Variants in KLHL15 observed in about 807,000 individuals in gnomAD.
KLHL15 encodes the protein kelch-like protein 15.
Under a neutral mutation model 29.3 loss-of-function variants are expected in KLHL15, and 1 was observed. The ratio of observed to expected loss-of-function variants is 0.03; its 90% confidence interval spans 0.01 to 0.16. The LOEUF is 0.16. Among genes scored for constraint, KLHL15 ranks in the 10% least tolerant of loss-of-function variants. The pLI is 1.00. For missense variants in KLHL15, 215 were observed against 478.5 expected, an observed-to-expected ratio of 0.45 and a Z score of 5.14; for synonymous variants, 212 against 184.5, an observed-to-expected ratio of 1.15 and a Z score of -1.21.
At chrX:24,016,089 T>C (rs1602015317) in intron 2 of KLHL15, among the ~76,000 whole-genome samples, 2 of 107,640 alleles carry the variant, frequency 1.9e-5, no homozygotes, top group East Asian at 5.9e-4. Flanking sequence ...TGACTCACGC[T>C]TGTAATCTCA....
At chrX:24,010,267 C>G in intron 2 of KLHL15, among the ~76,000 whole-genome samples, 1 of 111,703 alleles carries the variant, frequency 9.0e-6, no homozygotes, top group East Asian at 2.8e-4. Flanking sequence ...CCTAACTTAA[C>G]CTCTGTCCTT....
rs1222935511 is a variant in KLHL15, at chrX:23,988,905, A to G, written c.831T>C (p.Ser277=). 1.7e-6 allele frequency: 2 copies of G among 1,212,023 alleles called. No homozygotes were observed. Among genetic ancestry groups the G allele is most frequent in the East Asian group, 3.0e-5 (1 of 33,858 alleles). The stretch of plus-strand genomic sequence containing the variant: ...GAAATACTGTAGTTTGCGGTTTTGC[A>G]GAACGGATGCGGCTTGACTTCATAT... The part of the protein sequence containing the change: ...LLDMKSSRIR[S]AKPQTTVFRG... Residue 277 remains serine (S), a synonymous_variant, in exon 4 of 4, where the codon TCT becomes TCC. Transcript: ENST00000328046.
chrX:23,988,986 G>A lies in KLHL15; in HGVS notation c.750C>T (p.Tyr250=), dbSNP rs762367525. Residue 250 remains tyrosine, a synonymous_variant, in exon 4 of 4, where the codon TAC becomes TAT. Coordinates refer to ENST00000328046, the MANE Select transcript of KLHL15 (RefSeq NM_030624.3). ...AGTAATTCAATGCTTGGTCAACTTC[G>A]TAACGGAGCTGTCGGGAGTATCTAT... ...EFYRYSRQLR[Y]EVDQALNYFQ... 26 of 1,207,196 alleles carry A rather than the reference G, an allele frequency of 2.2e-5. No homozygotes were observed. In the East Asian group the frequency reaches 5.9e-4, roughly 28 times the overall value.
intron 3 of KLHL15, among the ~76,000 whole-genome samples, chrX:23,995,119 CGCAT>C: frequency 9.0e-6 from 1 of 111,568 alleles, no homozygotes; most frequent in South Asian, 3.7e-4. Flanking sequence ...CACACACACA[CGCAT>C]ATATACACAC....
At chrX:24,019,579 A>G (rs1342078268) in intron 2 of KLHL15, among the ~76,000 whole-genome samples, 5 of 111,173 alleles carry the variant, frequency 4.5e-5, no homozygotes, top group Admixed American at 9.7e-5. Context: ...AAGAGTACAA[A>G]TAAGTACAAA....
At chrX:24,017,113 G>A (rs954023588) in intron 2 of KLHL15, among the ~76,000 whole-genome samples, 1 of 108,404 alleles carries the variant, frequency 9.2e-6, no homozygotes, top group Non-Finnish European at 1.9e-5. Context: ...TTGGGAGACT[G>A]AGGCAGGAAG....
At chrX:24,018,724 G>A (rs528399435) in intron 2 of KLHL15, among the ~76,000 whole-genome samples, 1 of 111,355 alleles carries the variant, frequency 9.0e-6, no homozygotes, top group Non-Finnish European at 1.9e-5. Context: ...TTGGTCAGCC[G>A]GGCACAGTGG....
chrX:24,001,898 C>G (rs1929329721), intron 3 of KLHL15, among the ~76,000 whole-genome samples: 1 of 107,089 alleles, frequency 9.3e-6, no homozygotes, highest in Admixed American at 1.0e-4. Context: ...CTTTGGGAGG[C>G]CAAGGCGGGT....
chrX:23,987,705 T>C lies in KLHL15; in HGVS notation c.*216A>G, dbSNP rs1379655843. 5.7e-6 allele frequency: 2 copies of C among 352,684 alleles called. No individual in the cohort carries two copies. Among genetic ancestry groups the C allele is most frequent in the Non-Finnish European group, 9.7e-6 (2 of 205,251 alleles). The allele number at this position is 352,684 out of a possible 1,213,427, so 29.1% of individuals were successfully genotyped here. A position where few individuals can be genotyped will look rare whatever the true frequency, so the allele number is the denominator to read the frequency against. Reference sequence around the variant, plus strand: ...CATTCTATTCAACTGCTTCTGGAAGTAGTTTCAAGAGCTAGCACTTAGAAT... The same window carrying C: ...CATTCTATTCAACTGCTTCTGGAAGCAGTTTCAAGAGCTAGCACTTAGAAT... On this transcript the variant is annotated 3_prime_UTR_variant, in exon 4 of 4. Coordinates refer to ENST00000328046, the MANE Select transcript of KLHL15 (RefSeq NM_030624.3).
At chrX:24,002,948 T>A (rs1292460801) in intron 3 of KLHL15, among the ~76,000 whole-genome samples, 1 of 113,025 alleles carries the variant, frequency 8.8e-6, no homozygotes, top group Non-Finnish European at 1.9e-5. Context: ...GTTTTGCTCA[T>A]GTAAACACCT....
At chrX:24,002,638 G>C (rs1929352517) in intron 3 of KLHL15, among the ~76,000 whole-genome samples, 1 of 105,881 alleles carries the variant, frequency 9.4e-6, no homozygotes, top group Admixed American at 1.0e-4. Context: ...TGGGGTAGGG[G>C]ATTGGGGGGA....
rs904581068 is a variant in KLHL15 at position 24,024,387 on chromosome X, A to G, written c.-8+470T>C. The stretch of plus-strand genomic sequence containing the variant: ...CTCTACAGTTAAGGATTATTTTCAC[A>G]TATATGACCTCATATAGTCCTCTCA... On this transcript the variant is annotated intron_variant, in intron 2 of 3. Coordinates refer to ENST00000328046, the MANE Select transcript of KLHL15 (RefSeq NM_030624.3). 2.7e-5 allele frequency among the ~76,000 whole-genome samples: 3 copies of G among 112,246 alleles called. No homozygotes were observed. In the Admixed American group the frequency reaches 2.9e-4, roughly 11 times the overall value.
chrX:23,988,487 A>G lies in KLHL15; in HGVS notation c.1249T>C (p.Tyr417His). ...EFVDPYPVNKYGHEGTVLNNK... is the reference protein window; with the variant it reads ...EFVDPYPVNKHGHEGTVLNNK... ...TTGAGCACTGTCCCCTCATGTCCAT[A>G]TTTGTTAACTGGATAAGGATCCACA... Residue 417 changes from tyrosine (Y) to histidine (H), a missense_variant, in exon 4 of 4, where the codon TAT (tyrosine) becomes CAT (histidine). By Grantham distance (83) the Tyr-to-His change is moderately conservative. Coordinates refer to ENST00000328046, the MANE Select transcript of KLHL15 (RefSeq NM_030624.3). The G allele has an allele frequency of 8.3e-7, 1 of 1,211,076 alleles. No homozygotes were observed. Among genetic ancestry groups the G allele is most frequent in the African/African-American group, 1.7e-5 (1 of 57,747 alleles).
chrX:23,988,464 G>C lies in KLHL15; in HGVS notation c.1272C>G (p.Leu424=). The C allele has an allele frequency of 8.3e-7, 1 of 1,211,052 alleles. No homozygotes were observed. Among genetic ancestry groups the C allele is most frequent in the Non-Finnish European group, 1.1e-6 (1 of 895,095 alleles). ...VNKYGHEGTV[L]NNKLFITGGI... Reference sequence around the variant, plus strand: ...CACCGGTGATAAACAATTTGTTATTGAGCACTGTCCCCTCATGTCCATATT... The same window carrying C: ...CACCGGTGATAAACAATTTGTTATTCAGCACTGTCCCCTCATGTCCATATT... Residue 424 remains leucine, a synonymous_variant, in exon 4 of 4, where the codon CTC becomes CTG. Coordinates refer to ENST00000328046, the MANE Select transcript of KLHL15 (RefSeq NM_030624.3).
At chrX:24,009,219 G>A (rs909944128) in intron 2 of KLHL15, among the ~76,000 whole-genome samples, 3 of 110,828 alleles carry the variant, frequency 2.7e-5, no homozygotes, top group Non-Finnish European at 3.8e-5. Context: ...ATTAAAGGCC[G>A]GGCGTGGTGG....
At chrX:24,003,306 G>GAATCCT (rs1929368912) in intron 3 of KLHL15, among the ~76,000 whole-genome samples, 1 of 110,451 alleles carries the variant, frequency 9.1e-6, no homozygotes, top group East Asian at 2.8e-4. Context: ...AGCATTTTGG[G>GAATCCT]AGGCCGAGGC....
At position 23,986,126 on chromosome X, in the gene KLHL15, G is replaced by T. The variant is rs1303630539; in HGVS notation, c.*1795C>A. 1 of 110,285 alleles carries T rather than the reference G, an allele frequency of 9.1e-6. No homozygotes were observed. The highest frequency in any genetic ancestry group is 1.9e-5 in the Non-Finnish European group (1 of 52,727). The allele number at this position is 110,285 out of a possible 1,213,427, so 9.1% of individuals were successfully genotyped here. The stretch of plus-strand genomic sequence containing the variant: ...TTTTTCAAAAGCTACTTATGTACCT[G>T]GTTTCTTAAACCCAAATGCCTCCAA... On this transcript the variant is annotated 3_prime_UTR_variant, in exon 4 of 4. Transcript: ENST00000328046.
At chrX:23,992,896 C>A (rs1308570902) in intron 3 of KLHL15, among the ~76,000 whole-genome samples, 2 of 111,885 alleles carry the variant, frequency 1.8e-5, no homozygotes, top group African/African-American at 3.2e-5. Flanking sequence ...GCTAAAGCCT[C>A]AGGATGAACT....
At chrX:24,004,545 C>T (rs1044379729) in intron 3 of KLHL15, among the ~76,000 whole-genome samples, 1 of 111,532 alleles carries the variant, frequency 9.0e-6, no homozygotes, top group African/African-American at 3.3e-5. Context: ...GTAATCCCAG[C>T]ACTTTGGGAG....
Sources: allele counts gnomAD v4.1 joint callset (sites outside exome capture counted in the v4.1 genomes callset), GRCh38; gene constraint gnomAD v4.1.1; transcripts MANE v1.5; gene names NCBI Gene and HGNC (gene_info 2026-07-23, HGNC 2026-07-21).